Variants in EML6 observed in about 807,000 individuals in gnomAD.
EML6 encodes echinoderm microtubule-associated protein-like 6.
EML6 carries 154 observed loss-of-function variants against 240.1 expected under a neutral mutation model. The ratio of observed to expected loss-of-function variants is 0.64; its 90% confidence interval spans 0.56 to 0.73. The LOEUF (loss-of-function observed/expected upper bound fraction) is 0.73, where lower values mean the gene tolerates loss of function less well. EML6 is among the 30% of genes least tolerant of loss of function. The pLI is 0.00. For missense variants in EML6, 2,964 were observed against 2,474.6 expected (o/e 1.20, Z -4.20); for synonymous variants, 1,148 against 899.0 (o/e 1.28, Z -4.95).
Position 54,928,741 on chromosome 2 carries a change from G to A in EML6, c.3994G>A (p.Val1332Met), listed in dbSNP as rs779551415. 6.1e-5 allele frequency: 95 copies of A among 1,551,736 alleles called. No individual in the cohort carries two copies. The highest frequency in any genetic ancestry group is 5.9e-5 in the Admixed American group (3 of 50,988). Residue 1332 changes from valine (V) to methionine (M), a missense_variant, in exon 28 of 42, where the codon GTG becomes ATG. Val to Met is a conservative substitution (Grantham distance 21). Transcript: ENST00000356458. ...KPHQQLKEVS[V>M]EERPPVSRAA... ...ACACCAGCAGCTGAAGGAAGTTTCC[G>A]TGGAAGAAAGGTATGGTGTTGCCAG...
At chr2:54,946,592 C>G (rs1675705041) in intron 28 of EML6, among the ~76,000 whole-genome samples, 2 of 152,286 alleles carry the variant, frequency 1.3e-5, no homozygotes, top group South Asian at 4.2e-4. Flanking sequence ...GTTATGAACA[C>G]TGTTTATAGA....
At chr2:54,885,782 T>C (rs1672096528) in intron 17 of EML6, among the ~76,000 whole-genome samples, 1 of 151,930 alleles carries the variant, frequency 6.6e-6, no homozygotes, top group Non-Finnish European at 1.5e-5. Context: ...CGGCTAATTT[T>C]TTGTATTTTT....
At chr2:54,803,770 C>G (rs2103986878) in intron 2 of EML6, among the ~76,000 whole-genome samples, 1 of 152,146 alleles carries the variant, frequency 6.6e-6, no homozygotes, top group East Asian at 1.9e-4. Context: ...GAAAATACTT[C>G]CAGGATTTCA....
At chr2:54,970,013 A>T in intron 41 of EML6, 58 bp from the exon 42 acceptor site, 1 of 1,542,836 alleles carries the variant, frequency 6.5e-7, no homozygotes, top group South Asian at 1.2e-5. Context: ...GTTTTTTGCC[A>T]CTTGACACAA....
At chr2:54,859,468 G>A in intron 11 of EML6, 66 bp from the exon 12 acceptor site, 2 of 1,218,360 alleles carry the variant, frequency 1.6e-6, no homozygotes, top group African/African-American at 1.5e-5. Flanking sequence ...AACAGAAGGG[G>A]GGTTGTTTTA....
intron 2 of EML6, among the ~76,000 whole-genome samples, chr2:54,756,871 C>G (rs1042207319): frequency 6.6e-6 from 1 of 151,924 alleles, no homozygotes; most frequent in Admixed American, 6.6e-5. Context: ...TCTTGCCTTC[C>G]TTTCCATTCT....
intron 2 of EML6, among the ~76,000 whole-genome samples, chr2:54,743,378 A>G (rs1683750715): frequency 6.6e-6 from 1 of 152,162 alleles, no homozygotes; most frequent in Admixed American, 6.5e-5. Flanking sequence ...AGGAATTGAT[A>G]TTTTTTCTCA....
chr2:54,959,776 A>G (rs1676409586), intron 34 of EML6, among the ~76,000 whole-genome samples: 1 of 152,130 alleles, frequency 6.6e-6, no homozygotes, highest in South Asian at 2.1e-4. Context: ...ATAAATTAAT[A>G]AATTAAAAGA....
chr2:54,754,696 ATCAATCTTTT>A (rs1684324885), intron 2 of EML6, among the ~76,000 whole-genome samples: 1 of 152,170 alleles, frequency 6.6e-6, no homozygotes, highest in Non-Finnish European at 1.5e-5. Context: ...ATCAATCTTT[ATCAATCTTTT>A]ACTTTATGAT....
intron 2 of EML6, among the ~76,000 whole-genome samples, chr2:54,777,724 G>T (rs1365162619): frequency 6.6e-6 from 1 of 152,152 alleles, no homozygotes; most frequent in Non-Finnish European, 1.5e-5. Flanking sequence ...TCAGGAGCAG[G>T]AGGAGCCCTT....
At chr2:54,885,518 T>C (rs1672079077) in intron 17 of EML6, among the ~76,000 whole-genome samples, 1 of 152,238 alleles carries the variant, frequency 6.6e-6, no homozygotes, top group Admixed American at 6.5e-5. Context: ...CTCTTGGTGT[T>C]AAACACATTT....
rs1418667628 is a variant in EML6 at position 54,970,823 on chromosome 2, T to C, written c.*728T>C. 1 of 152,212 alleles carries C rather than the reference T, an allele frequency of 6.6e-6. No individual in the cohort carries two copies. Among genetic ancestry groups the C allele is most frequent in the East Asian group, 1.9e-4 (1 of 5,186 alleles). 9.4% of individuals were successfully genotyped at this position (152,212 alleles called of 1,614,324 possible). A position where few individuals can be genotyped will look rare whatever the true frequency, so the allele number is the denominator to read the frequency against. On this transcript the variant is annotated 3_prime_UTR_variant, in exon 42 of 42. Transcript: ENST00000356458. ...TCAGTGTGTCACCCTTGTCCTGTGT[T>C]CACGCCAAGGCTTCCTAAATGAAAG...
At chr2:54,736,812 C>T (rs573776271) in intron 2 of EML6, among the ~76,000 whole-genome samples, 5 of 152,278 alleles carry the variant, frequency 3.3e-5, no homozygotes, top group South Asian at 2.1e-4. Flanking sequence ...ATACAGGGGC[C>T]GGTCAGTGTC....
chr2:54,949,506 A>T lies in EML6; in HGVS notation c.4083+546A>T, dbSNP rs546399301. The stretch of plus-strand genomic sequence containing the variant: ...CCAAGCCCAAGATCACCAAGCCAGT[A>T]AGTGGAAAGGGATTTGAACTCAATT... On this transcript the variant is annotated intron_variant, in intron 29 of 41. Coordinates refer to ENST00000356458, the MANE Select transcript of EML6 (RefSeq NM_001039753.4). 1.6e-3 allele frequency among the ~76,000 whole-genome samples: 238 copies of T among 152,316 alleles called. 1 individual carries two copies. The highest frequency in any genetic ancestry group is 5.5e-3 in the African/African-American group (228 of 41,568).
At chr2:54,765,981 C>G (rs1415136257) in intron 2 of EML6, among the ~76,000 whole-genome samples, 1 of 152,158 alleles carries the variant, frequency 6.6e-6, no homozygotes, top group African/African-American at 2.4e-5. Flanking sequence ...GCCACATTTG[C>G]TTTAATATTC....
At chr2:54,734,037 A>G (rs993035205) in intron 2 of EML6, among the ~76,000 whole-genome samples, 1 of 152,188 alleles carries the variant, frequency 6.6e-6, no homozygotes, top group Admixed American at 6.5e-5. Flanking sequence ...AAGGGCTTAC[A>G]TTAAAAATAT....
chr2:54,855,837 G>A (rs1026925768), intron 11 of EML6, among the ~76,000 whole-genome samples: 3 of 152,158 alleles, frequency 2.0e-5, no homozygotes, highest in Non-Finnish European at 2.9e-5. Context: ...GAATAAAAGA[G>A]TGGGAATTGT....
At chr2:54,880,601 G>C (rs2103983915) in intron 17 of EML6, 1 of 152,280 alleles carries the variant, frequency 6.6e-6, no homozygotes, top group Middle Eastern at 3.4e-3. Context: ...CTTTTCTGAT[G>C]ACTGCTGTTG....
In EML6 at chr2:54,850,117, G is replaced by C; in HGVS notation, c.1343G>C (p.Ser448Thr). ...AGGTATAAGAAAATTGGAGAATGCA[G>C]CAAGTCCCTTAGTTTCATCACGCAT... ...AQRYKKIGEC[S>T]KSLSFITHID... Residue 448 changes from serine to threonine, a missense_variant, in exon 10 of 42, where the codon AGC (serine) becomes ACC (threonine). Physicochemically the swap from Ser to Thr is moderately conservative, Grantham distance 58. Coordinates refer to ENST00000356458, the MANE Select transcript of EML6 (RefSeq NM_001039753.4). The C allele has an allele frequency of 6.4e-7, 1 of 1,552,006 alleles. No homozygotes were observed. The highest frequency in any genetic ancestry group is 8.7e-7 in the Non-Finnish European group (1 of 1,147,012).
Sources: allele counts gnomAD v4.1 joint callset (sites outside exome capture counted in the v4.1 genomes callset), GRCh38; gene constraint gnomAD v4.1.1; transcripts MANE v1.5; gene names NCBI Gene and HGNC (gene_info 2026-07-23, HGNC 2026-07-21).